Variants in ZFHX3 observed in about 807,000 individuals in gnomAD.
ZFHX3 encodes the protein zinc finger homeobox 3, also known as zinc finger homeobox protein 3.
Under a neutral mutation model 279.1 loss-of-function variants are expected in ZFHX3, and 42 were observed. The observed-to-expected ratio is 0.15, with a 90% CI of 0.12 to 0.19. The LOEUF (loss-of-function observed/expected upper bound fraction) is 0.19, where lower values mean the gene tolerates loss of function less well. Ranked by LOEUF, ZFHX3 falls within the 10% of genes least tolerant of loss-of-function variation. The pLI, the probability that ZFHX3 is intolerant of heterozygous loss-of-function variation, is 1.00. For synonymous variants in ZFHX3, 2,293 were observed against 1,957.8 expected (o/e 1.17, Z -4.52); for missense variants, 4,981 against 4,754.0 (o/e 1.05, Z -1.40).
intron 1 of ZFHX3, among the ~76,000 whole-genome samples, chr16:73,848,356 G>A (rs1262573673): frequency 3.9e-5 from 6 of 152,024 alleles, no homozygotes; most frequent in African/African-American, 1.4e-4. Flanking sequence ...TAGGCAATAA[G>A]CTGTTATGAA....
chr16:73,035,651 C>T (rs920921307), intron 1 of ZFHX3, among the ~76,000 whole-genome samples: 1 of 152,158 alleles, frequency 6.6e-6, no homozygotes, highest in Non-Finnish European at 1.5e-5. Flanking sequence ...TTTGGGAGGC[C>T]GAGGCAGGTG....
chr16:73,045,780 G>A, intron 1 of ZFHX3, among the ~76,000 whole-genome samples: 1 of 119,110 alleles, frequency 8.4e-6, no homozygotes, highest in East Asian at 3.0e-4. Flanking sequence ...AGAAAGTACA[G>A]CCATTTCAAA....
At chr16:72,982,212 G>A (rs191674045) in intron 1 of ZFHX3, among the ~76,000 whole-genome samples, 69 of 152,186 alleles carry the variant, frequency 4.5e-4, no homozygotes, top group Admixed American at 4.5e-3. Context: ...ACTCTCATTT[G>A]ACCTCTAACA....
chr16:72,796,498 G>C lies in ZFHX3; in HGVS notation c.6184C>G (p.Pro2062Ala), dbSNP rs149631141. Residue 2062 changes from proline to alanine, a missense_variant, in exon 9 of 10, where the codon CCA (proline) becomes GCA (alanine). Around this residue, in one of 7 missense-constraint regions of ZFHX3, gnomAD observed 1,751 missense variants for 1,770.0 expected, o/e 0.99. Transcript: ENST00000268489. ...PAAPPQPASTPAIPASAPPIT... is the reference protein window; with the variant it reads ...PAAPPQPASTAAIPASAPPIT... ...GGTGGGGCTGATGCGGGGATGGCTG[G>C]TGTGGACGCCGGCTGAGGCGGCGCT... 52 of 1,607,122 alleles carry C rather than the reference G, an allele frequency of 3.2e-5. No individual in the cohort carries two copies. In the African/African-American group the frequency reaches 6.1e-4, roughly 19 times the overall value.
chr16:73,187,895 G>C (rs886250100), intron 5 of ZFHX3, among the ~76,000 whole-genome samples: 3 of 152,148 alleles, frequency 2.0e-5, no homozygotes, highest in African/African-American at 7.2e-5. Flanking sequence ...GTCTCGCTCT[G>C]TCGCCCAGGC....
intron 2 of ZFHX3, among the ~76,000 whole-genome samples, chr16:73,478,334 G>C (rs1398893193): frequency 6.7e-6 from 1 of 149,918 alleles, no homozygotes; most frequent in East Asian, 2.0e-4. Context: ...ACAGGGACTT[G>C]AACCCTGGAC....
In ZFHX3 at chr16:72,787,036, T is replaced by C. The variant is rs1428221743; in HGVS notation, c.*128A>G. 3.6e-6 allele frequency: 4 copies of C among 1,112,842 alleles called. No homozygotes were observed. The highest frequency in any genetic ancestry group is 3.4e-4 in the Middle Eastern group (1 of 2,954). 68.9% of individuals were successfully genotyped at this position (1,112,842 alleles called of 1,614,324 possible). A position where few individuals can be genotyped will look rare whatever the true frequency, so the allele number is the denominator to read the frequency against. On this transcript the variant is annotated 3_prime_UTR_variant, in exon 10 of 10. Coordinates refer to ENST00000268489, the MANE Select transcript of ZFHX3 (RefSeq NM_006885.4). ...AAAACAACCCACGCTTTTTCTTTTT[T>C]TTCTTTTTTTTTTTTTTTTTGTTTT...
At chr16:72,967,344 T>A (rs1457876399) in intron 1 of ZFHX3, among the ~76,000 whole-genome samples, 1 of 151,858 alleles carries the variant, frequency 6.6e-6, no homozygotes, top group East Asian at 1.9e-4. Flanking sequence ...TAGGAGTGGG[T>A]TGGAGGGGCT....
At chr16:73,441,689 G>T (rs1034777491) in intron 3 of ZFHX3, among the ~76,000 whole-genome samples, 1 of 152,122 alleles carries the variant, frequency 6.6e-6, no homozygotes, top group African/African-American at 2.4e-5. Context: ...ACCCTGAGCT[G>T]GGAGTCAGTG....
At chr16:73,350,434 T>A (rs2016217188) in intron 3 of ZFHX3, among the ~76,000 whole-genome samples, 1 of 152,192 alleles carries the variant, frequency 6.6e-6, no homozygotes, top group Non-Finnish European at 1.5e-5. Context: ...GTGGTTCATT[T>A]TATGTGTCAT....
At chr16:73,188,869 T>C (rs988372249) in intron 5 of ZFHX3, among the ~76,000 whole-genome samples, 2 of 146,496 alleles carry the variant, frequency 1.4e-5, no homozygotes, top group Non-Finnish European at 3.0e-5. Context: ...TCTTTTTCTT[T>C]TTTTTTTTTT....
At chr16:73,396,926 A>G (rs55692491) in intron 3 of ZFHX3, among the ~76,000 whole-genome samples, 11,537 of 152,266 alleles carry the variant, frequency 0.076, 530 homozygotes, top group Middle Eastern at 0.14. Flanking sequence ...AGCACAGATG[A>G]GCCTAAGTGA....
intron 3 of ZFHX3, among the ~76,000 whole-genome samples, chr16:73,370,079 C>T (rs1007369881): frequency 6.6e-6 from 1 of 152,220 alleles, no homozygotes; most frequent in Admixed American, 6.5e-5. Flanking sequence ...CTCCCACCCC[C>T]AGTCTTCCGG....
chr16:73,589,419 G>C lies in ZFHX3; in HGVS notation c.-1547+90761C>G, dbSNP rs554144034. Among the ~76,000 whole-genome samples, 284 of 135,160 alleles carry C rather than the reference G, an allele frequency of 2.1e-3. 1 individual carries two copies. The highest frequency in any genetic ancestry group is 3.7e-3 in the Non-Finnish European group (234 of 63,946). The allele number at this position is 135,160 out of a possible 152,430, so 88.7% of individuals were successfully genotyped here. On this transcript the variant is annotated intron_variant, in intron 2 of 17. Transcript: ENST00000641206. ...CTACTATACTCTAAACTGGGCAGCAGAGCAAGACGCTCTTTCAAAAAAAAA... is the reference window on the plus strand; with the variant it reads ...CTACTATACTCTAAACTGGGCAGCACAGCAAGACGCTCTTTCAAAAAAAAA...
At chr16:72,844,584 G>T (rs892960255) in intron 4 of ZFHX3, among the ~76,000 whole-genome samples, 5 of 151,982 alleles carry the variant, frequency 3.3e-5, no homozygotes, top group African/African-American at 1.2e-4. Flanking sequence ...TGGGGGGGTG[G>T]GTGTCCCTTT....
chr16:73,332,144 T>C (rs1289048790), intron 3 of ZFHX3, among the ~76,000 whole-genome samples: 1 of 152,188 alleles, frequency 6.6e-6, no homozygotes, highest in Non-Finnish European at 1.5e-5. Context: ...CTGGGACACA[T>C]TTCCAGTATC....
In ZFHX3 at chr16:72,787,143, T is replaced by A. The variant is rs756056848; in HGVS notation, c.*21A>T. On this transcript the variant is annotated 3_prime_UTR_variant, in exon 10 of 10. Coordinates refer to ENST00000268489, the MANE Select transcript of ZFHX3 (RefSeq NM_006885.4). ...ATTTTTGTATTTAAATTCATTTGTT[T>A]GTATTGTTCATCTTCAAAGCTTACA... 1 of 1,420,556 alleles carries A rather than the reference T, an allele frequency of 7.0e-7. No individual in the cohort carries two copies. The highest frequency in any genetic ancestry group is 9.3e-7 in the Non-Finnish European group (1 of 1,076,654). 88.0% of individuals were successfully genotyped at this position (1,420,556 alleles called of 1,614,324 possible).
chr16:72,946,530 T>C (rs1299087176), intron 3 of ZFHX3, among the ~76,000 whole-genome samples: 3 of 152,196 alleles, frequency 2.0e-5, no homozygotes, highest in Non-Finnish European at 4.4e-5. Flanking sequence ...TTCTGGGAGA[T>C]GGTGGGAGTG....
At chr16:73,025,276 CA>C (rs1448797105) in intron 1 of ZFHX3, among the ~76,000 whole-genome samples, 1 of 152,156 alleles carries the variant, frequency 6.6e-6, no homozygotes, top group East Asian at 1.9e-4. Context: ...CGGCGGCAGC[CA>C]CCAGCCCATG....
Sources: gnomAD v4.1 joint callset for allele counts (sites outside exome capture counted in the v4.1 genomes callset) on GRCh38, gnomAD v4.1.1 for gene constraint, gnomAD v4.1.1 regional missense constraint, MANE v1.5 for transcripts, NCBI Gene and HGNC (gene_info 2026-07-23, HGNC 2026-07-21) for gene names.